The following NAALADL2 variants were observed in gnomAD, a reference collection of about 807,000 sequenced individuals.
The protein encoded by NAALADL2 is inactive N-acetylated-alpha-linked acidic dipeptidase-like protein 2.
Under a neutral mutation model 87.2 loss-of-function variants are expected in NAALADL2, and 76 were observed. The ratio of observed to expected loss-of-function variants is 0.87; its 90% CI spans 0.72 to 1.05. The LOEUF (loss-of-function observed/expected upper bound fraction) is 1.05, where lower values mean the gene tolerates loss of function less well. Among genes scored for constraint, NAALADL2 ranks in the 50% least tolerant of loss-of-function variants. The pLI is 0.00. For missense variants in NAALADL2, 1,089 were observed against 945.8 expected, an observed-to-expected ratio of 1.15 and a Z score of -1.99; for synonymous variants, 354 against 331.0, an observed-to-expected ratio of 1.07 and a Z score of -0.75.
chr3:174,687,498 A>C (rs1728159679), intron 2 of NAALADL2, among the ~76,000 whole-genome samples: 1 of 152,124 alleles, frequency 6.6e-6, no homozygotes, highest in Non-Finnish European at 1.5e-5. Context: ...TCCAAGAAAA[A>C]AAATGTATCT....
At chr3:174,616,368 AT>A (rs1720458583) in intron 2 of NAALADL2, among the ~76,000 whole-genome samples, 1 of 151,968 alleles carries the variant, frequency 6.6e-6, no homozygotes, top group Non-Finnish European at 1.5e-5. Context: ...ATTATACCTT[AT>A]TGTAATTTTA....
chr3:174,917,917 A>G (rs9816410), intron 1 of NAALADL2, among the ~76,000 whole-genome samples: 27,392 of 152,020 alleles, frequency 0.18, 2,719 homozygotes, highest in East Asian at 0.35. Flanking sequence ...TACTTTGTAT[A>G]TTTTAAAACT....
At chr3:175,163,235 T>G (rs1272925898) in intron 2 of NAALADL2, among the ~76,000 whole-genome samples, 1 of 152,032 alleles carries the variant, frequency 6.6e-6, no homozygotes, top group African/African-American at 2.4e-5. Context: ...GTTTTCCACT[T>G]TAAAAAGTTT....
intron 1 of NAALADL2, among the ~76,000 whole-genome samples, chr3:175,014,983 A>G (rs1173457289): frequency 1.3e-5 from 2 of 151,976 alleles, no homozygotes; most frequent in African/African-American, 4.8e-5. Context: ...TTATGGCTTT[A>G]TTCATTTAAC....
At chr3:175,103,773 GA>G (rs1303155399) in intron 2 of NAALADL2, among the ~76,000 whole-genome samples, 1 of 152,078 alleles carries the variant, frequency 6.6e-6, no homozygotes, top group Non-Finnish European at 1.5e-5. Context: ...TCAACAGCAA[GA>G]AACACAACTT....
At chr3:174,496,492 T>C (rs1003708248) in intron 1 of NAALADL2, among the ~76,000 whole-genome samples, 3 of 123,514 alleles carry the variant, frequency 2.4e-5, no homozygotes, top group African/African-American at 9.2e-5. Flanking sequence ...TGTCTATATG[T>C]ATGTATATAT....
chr3:175,612,976 T>C (rs1724845858), intron 10 of NAALADL2, among the ~76,000 whole-genome samples: 1 of 152,166 alleles, frequency 6.6e-6, no homozygotes, highest in Admixed American at 6.6e-5. Flanking sequence ...GATCCACCAC[T>C]GAGAGCTGAA....
chr3:174,684,960 CTTGT>C (rs1429063413), intron 2 of NAALADL2, among the ~76,000 whole-genome samples: 1 of 152,102 alleles, frequency 6.6e-6, no homozygotes, highest in African/African-American at 2.4e-5. Context: ...CATTCATCTT[CTTGT>C]CTGGTTCCTC....
chr3:174,727,978 C>A (rs1414111704), intron 2 of NAALADL2, among the ~76,000 whole-genome samples: 2 of 152,144 alleles, frequency 1.3e-5, no homozygotes, highest in East Asian at 1.9e-4. Flanking sequence ...TACTTTGTAG[C>A]CTTTTCAGAT....
At chr3:175,533,386 G>C (rs978293380) in intron 9 of NAALADL2, among the ~76,000 whole-genome samples, 3 of 152,284 alleles carry the variant, frequency 2.0e-5, no homozygotes, top group African/African-American at 7.2e-5. Context: ...GTTGGGGGTG[G>C]CTCCTGAGGA....
intron 3 of NAALADL2, among the ~76,000 whole-genome samples, chr3:174,827,611 A>T (rs1417220443): frequency 2.6e-5 from 4 of 152,202 alleles, no homozygotes; most frequent in African/African-American, 9.7e-5. Context: ...AATAACTTTA[A>T]TTGCATATGC....
intron 2 of NAALADL2, among the ~76,000 whole-genome samples, chr3:174,725,896 T>G (rs908449947): frequency 6.6e-6 from 1 of 152,174 alleles, no homozygotes; most frequent in Admixed American, 6.5e-5. Flanking sequence ...TACTTTTGCT[T>G]CTCTTTAGAC....
At chr3:174,724,025 A>T (rs1731962171) in intron 2 of NAALADL2, among the ~76,000 whole-genome samples, 1 of 152,044 alleles carries the variant, frequency 6.6e-6, no homozygotes, top group Non-Finnish European at 1.5e-5. Flanking sequence ...AAATAATGGG[A>T]TTCCTATTTG....
chr3:175,786,899 G>T (rs1752056520), intron 13 of NAALADL2, among the ~76,000 whole-genome samples: 1 of 152,230 alleles, frequency 6.6e-6, no homozygotes, highest in South Asian at 2.1e-4. Context: ...TGGTGTGGAT[G>T]TCCTTTCTGT....
intron 1 of NAALADL2, among the ~76,000 whole-genome samples, chr3:175,011,280 C>CAGAGAGAG (rs139229550): frequency 9.6e-4 from 109 of 113,544 alleles, no homozygotes; most frequent in Non-Finnish European, 1.6e-3. Context: ...GACAGAGAGA[C>CAGAGAGAG]AGAGAGAGAG....
chr3:174,683,212 G>A (rs1727715141), intron 2 of NAALADL2, among the ~76,000 whole-genome samples: 1 of 151,948 alleles, frequency 6.6e-6, no homozygotes, highest in Non-Finnish European at 1.5e-5. Flanking sequence ...AAAGTCAGAG[G>A]AGACAAAAGA....
chr3:174,974,502 C>T (rs1438840369), intron 1 of NAALADL2, among the ~76,000 whole-genome samples: 5 of 152,102 alleles, frequency 3.3e-5, no homozygotes, highest in Non-Finnish European at 7.4e-5. Flanking sequence ...TTCATGTCAA[C>T]TAAGGATATT....
chr3:174,764,261 C>G, intron 3 of NAALADL2, among the ~76,000 whole-genome samples: 1 of 152,230 alleles, frequency 6.6e-6, no homozygotes. Flanking sequence ...TCTTTTGCTT[C>G]AATTCATAGT....
chr3:175,767,754 G>T (rs1464024561), intron 13 of NAALADL2: 1 of 152,008 alleles, frequency 6.6e-6, no homozygotes, highest in Admixed American at 6.6e-5. Flanking sequence ...AGAACTACTA[G>T]AACTGAAATA....
Sources: gnomAD v4.1 joint callset for allele counts (sites outside exome capture counted in the v4.1 genomes callset) on GRCh38, gnomAD v4.1.1 for gene constraint, MANE v1.5 for transcripts, NCBI Gene and HGNC (gene_info 2026-07-23, HGNC 2026-07-21) for gene names.